TRIQK: variants seen among roughly 807,000 people sequenced by gnomAD.
The protein encoded by TRIQK is triple QxxK/R motif containing.
Under a neutral mutation model 10.8 loss-of-function variants are expected in TRIQK, and 10 were observed. That is an observed-to-expected ratio of 0.92 (90% CI 0.57 to 1.57). The LOEUF is 1.57. Ranked by LOEUF, TRIQK falls within the 40% of genes most tolerant of loss-of-function variation. TRIQK has a pLI of 0.00. For synonymous variants in TRIQK, 33 were observed against 33.7 expected (o/e 0.98, Z 0.07); for missense variants, 107 against 97.7 (o/e 1.09, Z -0.40).
chr8:92,938,318 A>G (rs986488828), intron 2 of TRIQK, among the ~76,000 whole-genome samples: 1 of 152,132 alleles, frequency 6.6e-6, no homozygotes, highest in Non-Finnish European at 1.5e-5. Flanking sequence ...ATATATGTAT[A>G]CAATTTGTAA....
At chr8:92,931,183 T>C (rs1810703967) in intron 2 of TRIQK, among the ~76,000 whole-genome samples, 1 of 152,192 alleles carries the variant, frequency 6.6e-6, no homozygotes, top group African/African-American at 2.4e-5. Context: ...GTGTTCAGTG[T>C]AAACAAAATG....
At chr8:92,964,672 G>A (rs1316482686) in intron 1 of TRIQK, among the ~76,000 whole-genome samples, 1 of 149,902 alleles carries the variant, frequency 6.7e-6, no homozygotes, top group East Asian at 1.9e-4. Context: ...ATACTTATAC[G>A]TGTTTATAAA....
intron 3 of TRIQK, among the ~76,000 whole-genome samples, chr8:92,895,453 C>G (rs1586373379): frequency 6.6e-6 from 1 of 152,090 alleles, no homozygotes; most frequent in East Asian, 1.9e-4. Flanking sequence ...GCTAGAAAAA[C>G]CCTGTATTGC....
intron 4 of TRIQK, among the ~76,000 whole-genome samples, chr8:92,889,440 G>A (rs967432844): frequency 6.6e-6 from 1 of 151,408 alleles, no homozygotes; most frequent in South Asian, 2.1e-4. Context: ...TTATATAATC[G>A]TTATACAGGG....
chr8:92,972,498 TTTAATA>T (rs1387270838), intron 1 of TRIQK: 2 of 152,202 alleles, frequency 1.3e-5, no homozygotes, highest in African/African-American at 4.8e-5. Flanking sequence ...GTTGCATTCA[TTTAATA>T]TTATGTTCTA....
rs1246246301 is a variant in TRIQK at position 92,895,596 on chromosome 8, G to A, written c.62-3522C>T. 7.9e-5 allele frequency among the ~76,000 whole-genome samples: 12 copies of A among 152,236 alleles called. 1 individual carries two copies. The highest frequency in any genetic ancestry group is 5.8e-4 in the East Asian group (3 of 5,174). On this transcript the variant is annotated intron_variant, in intron 3 of 4. Coordinates refer to ENST00000521988, the MANE Select transcript of TRIQK (RefSeq NM_001171797.2). ...TGTTTGTAGAAACATGAAAAGTAAA[G>A]GCCATTTTGATGAGGTCTCAGATGG...
chr8:92,996,412 A>G (rs1332740066), intron 1 of TRIQK, among the ~76,000 whole-genome samples: 1 of 152,084 alleles, frequency 6.6e-6, no homozygotes, highest in Non-Finnish European at 1.5e-5. Context: ...TGAACCATAA[A>G]TCAAGACATG....
chr8:92,914,387 TA>T (rs1394238505), intron 3 of TRIQK, among the ~76,000 whole-genome samples: 1 of 152,064 alleles, frequency 6.6e-6, no homozygotes, highest in Non-Finnish European at 1.5e-5. Flanking sequence ...CAAAGGAGAC[TA>T]AATTAAACTA....
chr8:92,958,847 T>TA (rs1466718540), intron 1 of TRIQK, among the ~76,000 whole-genome samples: 3 of 152,042 alleles, frequency 2.0e-5, no homozygotes, highest in African/African-American at 7.2e-5. Context: ...ACTATGATTT[T>TA]AGTGTGCTGA....
rs373712583 is a variant in TRIQK at position 92,936,519 on chromosome 8, A to G, written c.-22+17887T>C. ...AGGAATTTAGTATATAGAAATAGAA[A>G]AGAACTTTTTACCCTGTTGATACAT... On this transcript the variant is annotated intron_variant, in intron 2 of 4. Transcript: ENST00000521988. Among the ~76,000 whole-genome samples, 10 of 151,792 alleles carry G rather than the reference A, an allele frequency of 6.6e-5. 1 individual carries two copies. The highest frequency in any genetic ancestry group is 2.6e-4 in the Admixed American group (4 of 15,224).
intron 3 of TRIQK, among the ~76,000 whole-genome samples, chr8:92,893,173 G>A (rs930977081): frequency 4.6e-5 from 7 of 151,810 alleles, no homozygotes; most frequent in Non-Finnish European, 8.8e-5. Context: ...CTAAACTCAA[G>A]TATATCATAA....
intron 1 of TRIQK, among the ~76,000 whole-genome samples, chr8:92,964,185 A>C (rs1812610591): frequency 6.6e-6 from 1 of 152,102 alleles, no homozygotes. Context: ...GGCACTGTGG[A>C]AGAAAGGCAA....
intron 2 of TRIQK, among the ~76,000 whole-genome samples, chr8:92,923,924 C>A (rs1810312095): frequency 6.6e-6 from 1 of 151,866 alleles, no homozygotes. Flanking sequence ...AATAAGAAAT[C>A]TGAAGCCTTC....
rs189035635 is a variant in TRIQK, at chr8:92,981,383, G to A, written c.-180-26819C>T. Among the ~76,000 whole-genome samples, 13 of 151,594 alleles carry A rather than the reference G, an allele frequency of 8.6e-5. 1 individual carries two copies. In the East Asian group the frequency reaches 1.9e-3, roughly 23 times the overall value. The stretch of plus-strand genomic sequence containing the variant: ...TATGTCTATCTATTAGATCAAGCTC[G>A]TTGTGTTACACAAATAGTTTATATC... On this transcript the variant is annotated intron_variant, in intron 1 of 4. Coordinates refer to the TRIQK transcript ENST00000520686.
intron 3 of TRIQK, among the ~76,000 whole-genome samples, chr8:92,896,760 C>G (rs1225657196): frequency 1.3e-5 from 2 of 151,676 alleles, no homozygotes; most frequent in Non-Finnish European, 2.9e-5. Context: ...CCTAATTCTC[C>G]CTTTTGGAAT....
chr8:92,920,830 C>T (rs143780260), intron 2 of TRIQK, among the ~76,000 whole-genome samples: 32 of 151,778 alleles, frequency 2.1e-4, no homozygotes, highest in Non-Finnish European at 3.8e-4. Context: ...GAATGAAAGC[C>T]AACTTTTGGG....
intron 1 of TRIQK, among the ~76,000 whole-genome samples, chr8:92,990,013 A>G (rs2130749211): frequency 6.6e-6 from 1 of 152,344 alleles, no homozygotes; most frequent in East Asian, 1.9e-4. Flanking sequence ...ATTTAAAAAA[A>G]TACTAAAACT....
intron 3 of TRIQK, 82 bp from the exon 4 acceptor site, chr8:92,892,156 T>A: frequency 2.0e-6 from 2 of 1,006,942 alleles, no homozygotes; most frequent in Non-Finnish European, 2.9e-6. Flanking sequence ...AAAGAATGTT[T>A]AAATACAGTG....
chr8:93,017,110 G>GGAGA lies in TRIQK; in HGVS notation c.-181+495_-181+498dup, dbSNP rs3062508. Among the ~76,000 whole-genome samples, 73 of 93,372 alleles carry GGAGA rather than the reference G, an allele frequency of 7.8e-4. 1 individual carries two copies. The highest frequency in any genetic ancestry group is 1.1e-3 in the Non-Finnish European group (52 of 46,466). The allele number at this position is 93,372 out of a possible 152,430, so 61.3% of individuals were successfully genotyped here. On this transcript the variant is annotated intron_variant, in intron 1 of 4. Coordinates refer to the TRIQK transcript ENST00000520686. ...CACAAATGTAGCAATATATATACTTGGAGAGAGAGAGAGAGAGAGAGAGAG... is the reference window on the plus strand; with the variant it reads ...CACAAATGTAGCAATATATATACTTGGAGAGAGAGAGAGAGAGAGAGAGAGAGAG...
Sources: gnomAD v4.1 joint callset for allele counts (sites outside exome capture counted in the v4.1 genomes callset) on GRCh38, gnomAD v4.1.1 for gene constraint, MANE v1.5 for transcripts, NCBI Gene and HGNC (gene_info 2026-07-23, HGNC 2026-07-21) for gene names.